CTNND2: variants seen among roughly 807,000 people sequenced by gnomAD.
CTNND2 encodes catenin delta-2.
In CTNND2, 22 loss-of-function variants were observed where a neutral mutation model predicts 144.4. The observed-to-expected ratio is 0.15, with a 90% CI of 0.11 to 0.22. CTNND2 has a LOEUF of 0.22. Among genes scored for constraint, CTNND2 ranks in the 10% least tolerant of loss-of-function variants. The pLI is 1.00. For synonymous variants in CTNND2, 751 were observed against 695.6 expected (o/e 1.08, Z -1.25); for missense variants, 1,353 against 1,618.8 (o/e 0.84, Z 2.82).
chr5:11,393,147 CACA>C (rs1759779909), intron 6 of CTNND2, among the ~76,000 whole-genome samples: 1 of 152,134 alleles, frequency 6.6e-6, no homozygotes, highest in African/African-American at 2.4e-5. Flanking sequence ...TAGAAGTCAG[CACA>C]ACATTAAATA....
chr5:11,693,695 C>T (rs940364119), intron 2 of CTNND2, among the ~76,000 whole-genome samples: 3 of 152,174 alleles, frequency 2.0e-5, no homozygotes, highest in African/African-American at 7.2e-5. Context: ...AATGAGAGAA[C>T]TAGTATTATC....
chr5:11,818,370 C>T lies in CTNND2; in HGVS notation c.37+85447G>A, dbSNP rs368731490. Reference sequence around the variant, plus strand: ...CCAAGCAGCCTGGCTCCTGTATATGCGTTTTTTCTTCTTTTCTTTTTTTTT... The same window carrying T: ...CCAAGCAGCCTGGCTCCTGTATATGTGTTTTTTCTTCTTTTCTTTTTTTTT... On this transcript the variant is annotated intron_variant, in intron 1 of 21. Transcript: ENST00000304623. Among the ~76,000 whole-genome samples the T allele has an allele frequency of 3.7e-4, 56 of 151,628 alleles. 1 individual carries two copies. In the East Asian group the frequency reaches 4.5e-3, roughly 12 times the overall value.
At chr5:11,476,383 C>A (rs1011115271) in intron 3 of CTNND2, among the ~76,000 whole-genome samples, 2 of 152,156 alleles carry the variant, frequency 1.3e-5, no homozygotes, top group African/African-American at 4.8e-5. Context: ...TTCACTCAAA[C>A]TTCTCAGTAA....
intron 2 of CTNND2, among the ~76,000 whole-genome samples, chr5:11,720,853 T>G (rs1786636130): frequency 6.6e-6 from 1 of 152,190 alleles, no homozygotes; most frequent in Non-Finnish European, 1.5e-5. Flanking sequence ...CATCAAGTGT[T>G]GGCAAGGATG....
chr5:11,146,687 A>G (rs975091871), intron 12 of CTNND2, among the ~76,000 whole-genome samples: 2 of 152,222 alleles, frequency 1.3e-5, no homozygotes, highest in Non-Finnish European at 2.9e-5. Flanking sequence ...TGAGGAATTC[A>G]GAATCATAAA....
intron 1 of CTNND2, among the ~76,000 whole-genome samples, chr5:11,770,133 T>C (rs538748648): frequency 1.3e-5 from 2 of 152,174 alleles, no homozygotes; most frequent in African/African-American, 4.8e-5. Flanking sequence ...GGAAAGTCAT[T>C]GAAGAAAAGA....
intron 1 of CTNND2, among the ~76,000 whole-genome samples, chr5:11,842,364 A>AC (rs1328143429): frequency 6.6e-6 from 1 of 152,306 alleles, no homozygotes; most frequent in East Asian, 1.9e-4. Flanking sequence ...GGTTTAGAAA[A>AC]CCAAAGTGCA....
intron 16 of CTNND2, among the ~76,000 whole-genome samples, chr5:11,041,374 C>T (rs1313147521): frequency 1.3e-5 from 2 of 152,154 alleles, no homozygotes; most frequent in Admixed American, 1.3e-4. Flanking sequence ...TCCAATTTAT[C>T]TAGAAGACAA....
intron 16 of CTNND2, among the ~76,000 whole-genome samples, chr5:11,066,982 G>A (rs2149604798): frequency 6.6e-6 from 1 of 152,298 alleles, no homozygotes; most frequent in South Asian, 2.1e-4. Context: ...CCCAGTGCCT[G>A]ATGCAGCCAT....
chr5:10,990,641 T>C lies in CTNND2; in HGVS notation c.3211+1910A>G, dbSNP rs61751690. On this transcript the variant is annotated intron_variant, in intron 19 of 21. Transcript: ENST00000304623. ...AAATTAGAATCCAATATTGCCCAGA[T>C]GGTGGTGTTTATTAAACCACATCAA... is the stretch of plus-strand genomic sequence containing the variant. Among the ~76,000 whole-genome samples, 792 of 152,352 alleles carry C rather than the reference T, an allele frequency of 5.2e-3. 5 individuals carry two copies. The highest frequency in any genetic ancestry group is 0.018 in the African/African-American group (768 of 41,584).
chr5:11,223,391 T>C (rs957866319), intron 10 of CTNND2, among the ~76,000 whole-genome samples: 9 of 152,222 alleles, frequency 5.9e-5, no homozygotes, highest in Admixed American at 4.6e-4. Context: ...TGACAGCCAG[T>C]TGGGGAAGAA....
chr5:11,853,627 C>T (rs1205178641), intron 1 of CTNND2, among the ~76,000 whole-genome samples: 1 of 152,200 alleles, frequency 6.6e-6, no homozygotes, highest in African/African-American at 2.4e-5. Flanking sequence ...GAACTTGAAA[C>T]TCATCTCAAG....
chr5:11,312,742 C>T (rs867746027), intron 9 of CTNND2, among the ~76,000 whole-genome samples: 2 of 51,034 alleles, frequency 3.9e-5, no homozygotes, highest in Admixed American at 1.8e-4. Context: ...ACACCCACCC[C>T]GTGCTCTCAC....
At chr5:11,084,794 C>T (rs1029148260) in intron 15 of CTNND2, among the ~76,000 whole-genome samples, 1 of 152,138 alleles carries the variant, frequency 6.6e-6, no homozygotes, top group African/African-American at 2.4e-5. Flanking sequence ...TTATTTTATA[C>T]AGGGGGAAAT....
intron 2 of CTNND2, among the ~76,000 whole-genome samples, chr5:11,697,606 A>G (rs111752881): frequency 6.6e-6 from 1 of 152,210 alleles, no homozygotes; most frequent in Non-Finnish European, 1.5e-5. Flanking sequence ...TTATGAGGTG[A>G]TATTATGCCC....
At chr5:11,347,858 A>T (rs1165839535) in intron 8 of CTNND2, among the ~76,000 whole-genome samples, 1 of 152,342 alleles carries the variant, frequency 6.6e-6, no homozygotes, top group East Asian at 1.9e-4. Flanking sequence ...ACATTATGTC[A>T]TGCTGAGAAA....
intron 7 of CTNND2, among the ~76,000 whole-genome samples, chr5:11,377,496 T>G (rs1390611013): frequency 1.3e-5 from 2 of 152,172 alleles, no homozygotes; most frequent in African/African-American, 4.8e-5. Flanking sequence ...TTTTCATTTT[T>G]TTAGGGCACA....
intron 1 of CTNND2, among the ~76,000 whole-genome samples, chr5:11,746,422 A>T (rs965122811): frequency 6.6e-6 from 1 of 152,070 alleles, no homozygotes; most frequent in Non-Finnish European, 1.5e-5. Context: ...TTACAGCTTG[A>T]ACTTTCCTCA....
At chr5:11,150,119 C>G (rs1304653552) in intron 12 of CTNND2, among the ~76,000 whole-genome samples, 1 of 152,192 alleles carries the variant, frequency 6.6e-6, no homozygotes, top group Non-Finnish European at 1.5e-5. Context: ...CTGCTCACCC[C>G]AAAGGCACCT....
Sources: allele counts gnomAD v4.1 joint callset (sites outside exome capture counted in the v4.1 genomes callset), GRCh38; gene constraint gnomAD v4.1.1; transcripts MANE v1.5; gene names NCBI Gene and HGNC (gene_info 2026-07-23, HGNC 2026-07-21).